COL4A2: variants seen among roughly 807,000 people sequenced by gnomAD.
The protein encoded by COL4A2 is collagen alpha-2(IV) chain.
A neutral mutation model predicts 200.2 loss-of-function variants in COL4A2; 99 were observed. That is an observed-to-expected ratio of 0.49 (90% CI 0.42 to 0.58). The LOEUF is 0.58. COL4A2 is among the 20% of genes least tolerant of loss of function. COL4A2 has a pLI of 0.00. For missense variants in COL4A2, 1,950 were observed against 2,314.1 expected, an observed-to-expected ratio of 0.84 and a Z score of 3.23; for synonymous variants, 897 against 900.6, an observed-to-expected ratio of 1.00 and a Z score of 0.07.
intron 32 of COL4A2, 75 bp downstream of exon 32, chr13:110,482,734 T>C (rs781370969): frequency 1.3e-4 from 188 of 1,483,850 alleles, no homozygotes; most frequent in Non-Finnish European, 1.6e-4. Flanking sequence ...TGGCATAACA[T>C]TGCCCAGAAT....
At chr13:110,352,271 C>G (rs1369747139) in intron 3 of COL4A2, among the ~76,000 whole-genome samples, 1 of 152,168 alleles carries the variant, frequency 6.6e-6, no homozygotes, top group African/African-American at 2.4e-5. Context: ...ATAGCAGAGC[C>G]CTAGGGCGCA....
At chr13:110,380,607 G>T (rs766369005) in intron 4 of COL4A2, among the ~76,000 whole-genome samples, 1 of 152,150 alleles carries the variant, frequency 6.6e-6, no homozygotes, top group Non-Finnish European at 1.5e-5. Flanking sequence ...GCACTAGGAG[G>T]CTCATCGAAC....
At chr13:110,486,417 A>G (rs1883120435) in intron 34 of COL4A2, among the ~76,000 whole-genome samples, 1 of 152,240 alleles carries the variant, frequency 6.6e-6, no homozygotes, top group Non-Finnish European at 1.5e-5. Context: ...AGTGCTGTAT[A>G]GACAGTGTGT....
At chr13:110,438,121 G>T in intron 14 of COL4A2, 84 bp downstream of exon 14, 3 of 1,134,146 alleles carry the variant, frequency 2.6e-6, no homozygotes, top group Admixed American at 1.9e-5. Flanking sequence ...TGCACCATGC[G>T]CTCGGGGCCC....
intron 29 of COL4A2, 117 bp from the exon 30 acceptor site, chr13:110,477,886 T>C: frequency 9.4e-7 from 1 of 1,061,058 alleles, no homozygotes; most frequent in East Asian, 2.9e-5. Context: ...CCTGATTCTC[T>C]AGAGTCCAGA....
chr13:110,399,801 C>A (rs911335918), intron 4 of COL4A2, among the ~76,000 whole-genome samples: 15 of 152,176 alleles, frequency 9.9e-5, no homozygotes, highest in Non-Finnish European at 4.4e-5. Context: ...GATAGGCCAC[C>A]TGCTTCTTTT....
intron 30 of COL4A2, among the ~76,000 whole-genome samples, chr13:110,479,856 C>T (rs961058566): frequency 6.6e-6 from 1 of 152,158 alleles, no homozygotes; most frequent in Non-Finnish European, 1.5e-5. Flanking sequence ...CAGTGATGTT[C>T]GCGAGGAACA....
At chr13:110,393,333 GA>G (rs1271125183) in intron 4 of COL4A2, among the ~76,000 whole-genome samples, 8 of 152,140 alleles carry the variant, frequency 5.3e-5, no homozygotes, top group Admixed American at 5.2e-4. Flanking sequence ...TCCCATCCAA[GA>G]ATAATTTCAA....
chr13:110,321,295 A>G (rs923759137), intron 3 of COL4A2, among the ~76,000 whole-genome samples: 1 of 151,990 alleles, frequency 6.6e-6, no homozygotes, highest in African/African-American at 2.4e-5. Context: ...TCCATTTTTA[A>G]TATTTTTTTC....
At position 110,446,874 on chromosome 13, in the gene COL4A2, C is replaced by A; in HGVS notation, c.1078+10C>A. 1.2e-6 allele frequency: 2 copies of A among 1,609,904 alleles called. No individual in the cohort carries two copies. The highest frequency in any genetic ancestry group is 3.3e-4 in the Middle Eastern group (2 of 6,054). ...CCTTCCCTAGCAAAAGGTGTGTGAA[C>A]AATTTCACCTGCATAGTTCAGCATC... On this transcript the variant is annotated intron_variant, in intron 18 of 47. Coordinates refer to ENST00000360467, the MANE Select transcript of COL4A2 (RefSeq NM_001846.4).
intron 27 of COL4A2, among the ~76,000 whole-genome samples, chr13:110,467,683 C>T (rs35010366): frequency 0.17 from 25,323 of 152,218 alleles, 2,405 homozygotes; most frequent in Admixed American, 0.3. Flanking sequence ...CTGGCCACCA[C>T]TGCCGTCCCG....
At chr13:110,417,337 C>T (rs1332125012) in intron 4 of COL4A2, among the ~76,000 whole-genome samples, 2 of 152,022 alleles carry the variant, frequency 1.3e-5, no homozygotes, top group African/African-American at 4.8e-5. Context: ...CCTTCCTTTT[C>T]GAACTGTTCT....
intron 3 of COL4A2, among the ~76,000 whole-genome samples, chr13:110,311,334 T>C (rs1337074126): frequency 6.6e-6 from 1 of 152,174 alleles, no homozygotes; most frequent in East Asian, 1.9e-4. Context: ...AAAGGTGCCC[T>C]TGTTTGAATG....
chr13:110,453,015 C>T (rs9521773), intron 20 of COL4A2, among the ~76,000 whole-genome samples: 16,566 of 152,052 alleles, frequency 0.11, 1,049 homozygotes, highest in African/African-American at 0.17. Flanking sequence ...ATCTGCCCAC[C>T]TCGGCCTCCC....
chr13:110,509,270 T>C (rs200165123), intron 47 of COL4A2, among the ~76,000 whole-genome samples: 9,059 of 115,552 alleles, frequency 0.078, 637 homozygotes, highest in Admixed American at 0.16. Context: ...TATATATATA[T>C]ACACACACAC....
At chr13:110,377,857 T>G (rs952264083) in intron 4 of COL4A2, among the ~76,000 whole-genome samples, 1 of 152,222 alleles carries the variant, frequency 6.6e-6, no homozygotes, top group Non-Finnish European at 1.5e-5. Context: ...ATCACAAGTA[T>G]ATTTCAACAG....
At chr13:110,437,458 C>T (rs770126388) in intron 13 of COL4A2, among the ~76,000 whole-genome samples, 7 of 152,158 alleles carry the variant, frequency 4.6e-5, no homozygotes, top group Non-Finnish European at 8.8e-5. Context: ...TCAGAAATGA[C>T]GGGGACAAAG....
chr13:110,453,895 T>C (rs1033440820), intron 20 of COL4A2, among the ~76,000 whole-genome samples: 1 of 152,204 alleles, frequency 6.6e-6, no homozygotes, highest in Non-Finnish European at 1.5e-5. Context: ...GTGTGTGTGG[T>C]TGTAGTTTAG....
intron 4 of COL4A2, among the ~76,000 whole-genome samples, chr13:110,378,481 T>C (rs1438078609): frequency 1.3e-5 from 2 of 152,218 alleles, no homozygotes; most frequent in Non-Finnish European, 2.9e-5. Flanking sequence ...GGCCCTTTCC[T>C]CCGGGTCCCT....
Sources: allele counts gnomAD v4.1 joint callset (sites outside exome capture counted in the v4.1 genomes callset), GRCh38; gene constraint gnomAD v4.1.1; transcripts MANE v1.5; gene names NCBI Gene and HGNC (gene_info 2026-07-23, HGNC 2026-07-21).